The following KCNK4 variants were observed in gnomAD, a reference collection of about 807,000 sequenced individuals.
The protein encoded by KCNK4 is potassium two pore domain channel subfamily K member 4, also known as potassium channel subfamily K member 4.
KCNK4 carries 22 observed loss-of-function variants against 28.8 expected under a neutral mutation model. The ratio of observed to expected loss-of-function variants is 0.76; its 90% CI spans 0.55 to 1.09. The LOEUF is 1.09. Ranked by LOEUF, KCNK4 falls within the 50% of genes least tolerant of loss-of-function variation. KCNK4 has a pLI of 0.00. For missense variants in KCNK4, 483 were observed against 546.3 expected (o/e 0.88, Z 1.15); for synonymous variants, 263 against 252.9 (o/e 1.04, Z -0.38).
chr11:64,294,097 G>A (rs2034707360), intron 2 of KCNK4, among the ~76,000 whole-genome samples: 1 of 152,102 alleles, frequency 6.6e-6, no homozygotes. Flanking sequence ...AGGGTTCCAG[G>A]ATCCATGCCA....
chr11:64,295,742 T>C (rs577866473), intron 2 of KCNK4, among the ~76,000 whole-genome samples: 2 of 152,092 alleles, frequency 1.3e-5, no homozygotes, highest in East Asian at 3.9e-4. Context: ...CTGGGGTGTT[T>C]AGGCCTGCAA....
In KCNK4 at chr11:64,297,256, G is replaced by C; in HGVS notation, c.451G>C (p.Gly151Arg). The C allele has an allele frequency of 6.2e-7, 1 of 1,613,388 alleles. No homozygotes were observed. Among genetic ancestry groups the C allele is most frequent in the Admixed American group, 1.7e-5 (1 of 59,966 alleles). Residue 151 changes from glycine (G) to arginine (R), a missense_variant, in exon 4 of 7, where the codon GGT becomes CGT. Coordinates refer to ENST00000422670, the MANE Select transcript of KCNK4 (RefSeq NM_033310.3). The part of the protein sequence containing the change: ...RLGSSLRHGI[G>R]HIEAIFLKWH... ...GGGCTCCTCCCTGCGCCATGGCATC[G>C]GTCACATTGAAGCCATCTTCTTGGT...
Position 64,297,355 on chromosome 11 carries a change from C to A in KCNK4, c.474+76C>A, listed in dbSNP as rs368546058. 1.9e-5 allele frequency: 30 copies of A among 1,573,126 alleles called. No individual in the cohort carries two copies. In the South Asian group the frequency reaches 3.4e-4, roughly 18 times the overall value. Reference sequence around the variant, plus strand: ...TCCCCATGTCCCTGGCACATGAGCGCGCCCCCAAAGACCATAAGCCTCTCC... The same window carrying A: ...TCCCCATGTCCCTGGCACATGAGCGAGCCCCCAAAGACCATAAGCCTCTCC... On this transcript the variant is annotated intron_variant, in intron 4 of 6. Coordinates refer to ENST00000422670, the MANE Select transcript of KCNK4 (RefSeq NM_033310.3).
intron 2 of KCNK4, among the ~76,000 whole-genome samples, chr11:64,293,928 T>C (rs1462708320): frequency 6.6e-6 from 1 of 152,128 alleles, no homozygotes; most frequent in Admixed American, 6.5e-5. Flanking sequence ...TACAAGTCCA[T>C]CCCAAGCAAT....
intron 2 of KCNK4, among the ~76,000 whole-genome samples, chr11:64,294,955 T>C (rs564201773): frequency 2.0e-4 from 31 of 152,264 alleles, no homozygotes; most frequent in African/African-American, 7.2e-4. Flanking sequence ...GGAATTGCTT[T>C]TTTCCTGGAT....
At chr11:64,293,392 C>A (rs2034688953) in intron 2 of KCNK4, among the ~76,000 whole-genome samples, 185 bp downstream of exon 2, 1 of 152,054 alleles carries the variant, frequency 6.6e-6, no homozygotes. Flanking sequence ...ACTGTGGGGT[C>A]ATTTGTTTTC....
At chr11:64,294,871 G>A (rs1038431508) in intron 2 of KCNK4, among the ~76,000 whole-genome samples, 6 of 139,250 alleles carry the variant, frequency 4.3e-5, no homozygotes, top group Non-Finnish European at 7.8e-5. Context: ...TGGGAAGAAT[G>A]TATCTGGCCA....
Position 64,293,144 on chromosome 11 carries a change from C to G in KCNK4, c.126C>G (p.Val42=), listed in dbSNP as rs201624439. The G allele has an allele frequency of 6.5e-7, 1 of 1,536,768 alleles. No individual in the cohort carries two copies. Among genetic ancestry groups the G allele is most frequent in the East Asian group, 2.5e-5 (1 of 40,298 alleles). ...EQQAQRELGE[V]REKFLRAHPC... is the part of the protein sequence containing the mutation. ...AGGCCCAGAGGGAGCTGGGGGAGGT[C>G]CGAGAGAAGTTCCTGAGGGCCCATC... Residue 42 remains valine, a synonymous_variant, in exon 2 of 7, where the codon GTC becomes GTG. Transcript: ENST00000422670.
chr11:64,293,504 G>A (rs34499953), intron 2 of KCNK4, among the ~76,000 whole-genome samples: 29,473 of 151,418 alleles, frequency 0.19, 3,357 homozygotes, highest in East Asian at 0.54. Flanking sequence ...TGGCCATAGC[G>A]CATGGGCTAT....
chr11:64,291,857 G>A (rs1425740599), intron 1 of KCNK4: 5 of 212,082 alleles, frequency 2.4e-5, no homozygotes, highest in African/African-American at 9.5e-5. Flanking sequence ...GACTGGCCGG[G>A]CGGGGTGCCC....
At chr11:64,292,798 G>C (rs1396683172) in intron 1 of KCNK4, 144 bp from the exon 2 acceptor site, 1 of 849,634 alleles carries the variant, frequency 1.2e-6, no homozygotes, top group Non-Finnish European at 1.6e-6. Context: ...GATAGGAGGG[G>C]GACTGGGTGT....
chr11:64,299,361 G>A lies in KCNK4; in HGVS notation c.817G>A (p.Ala273Thr). The change falls in exon 7 of 7, where the codon GCT (alanine) becomes ACT (threonine). Residue 273 changes from alanine (A) to threonine (T), a missense_variant. Ala to Thr is a moderately conservative substitution (Grantham distance 58, BLOSUM62 0). Transcript: ENST00000422670. ...CTCCGTGCAGATGGGCGGCCTCACG[G>A]CTCAGGCTGCCAGCTGGACTGGCAC... ...RTRAEMGGLT[A>T]QAASWTGTVT... 1 of 1,565,232 alleles carries A rather than the reference G, an allele frequency of 6.4e-7. No individual in the cohort carries two copies. The highest frequency in any genetic ancestry group is 2.4e-5 in the East Asian group (1 of 41,756).
intron 5 of KCNK4, 56 bp from the exon 6 acceptor site, chr11:64,298,054 G>C: frequency 1.3e-6 from 2 of 1,586,934 alleles, no homozygotes; most frequent in Non-Finnish European, 1.7e-6. Flanking sequence ...CTGAACCAGA[G>C]CTCACAGGCT....
At chr11:64,292,042 G>A (rs2034642470) in intron 1 of KCNK4, 1 of 1,145,456 alleles carries the variant, frequency 8.7e-7, no homozygotes, top group South Asian at 1.7e-5. Context: ...GTGTGCGTGG[G>A]CTCTGGGTGC....
At position 64,299,979 on chromosome 11, in the gene KCNK4, C is replaced by T. The variant is rs2034890534; in HGVS notation, c.*253C>T. 6.1e-6 allele frequency: 4 copies of T among 652,206 alleles called. No homozygotes were observed. The allele number at this position is 652,206 out of a possible 1,614,324, so 40.4% of individuals were successfully genotyped here. ...GCACCTCACGACTGTGCCTCAAAGC[C>T]TGCATCAATAAATGAAAACGGTCTG... is the stretch of plus-strand genomic sequence containing the variant. On this transcript the variant is annotated 3_prime_UTR_variant, in exon 7 of 7. Transcript: ENST00000422670.
In KCNK4 at chr11:64,297,649, G is replaced by A; in HGVS notation, c.657G>A (p.Val219=). Residue 219 remains valine (V), a synonymous_variant, in exon 5 of 7, where the codon GTG becomes GTA. Coordinates refer to ENST00000422670, the MANE Select transcript of KCNK4 (RefSeq NM_033310.3). ...CCACCGTGGGCTTTGGCGACTATGTGGCCGGTGAGGCCGCCCTTCTTGTGC... is the reference window on the plus strand; with the variant it reads ...CCACCGTGGGCTTTGGCGACTATGTAGCCGGTGAGGCCGCCCTTCTTGTGC... ...TLTTVGFGDY[V]AGADPRQDSP... 6.2e-7 allele frequency: 1 copy of A among 1,608,328 alleles called. No homozygotes were observed. Among genetic ancestry groups the A allele is most frequent in the Non-Finnish European group, 8.5e-7 (1 of 1,175,430 alleles).
At position 64,299,680 on chromosome 11, in the gene KCNK4, G is replaced by T. The variant is rs769680927; in HGVS notation, c.1136G>T (p.Arg379Leu). 3.8e-6 allele frequency: 6 copies of T among 1,580,004 alleles called. No homozygotes were observed. The Admixed American group carries it at 9.0e-5, about 24-fold the overall frequency. Reference sequence around the variant, plus strand: ...CCAAATCCCCCCAGGAAGCCCGTGCGGCCCCGCGGCCCCGGGCGTCCCCGA... The same window carrying T: ...CCAAATCCCCCCAGGAAGCCCGTGCTGCCCCGCGGCCCCGGGCGTCCCCGA... ...RRPNPPRKPVRPRGPGRPRDK... is the reference protein window; with the variant it reads ...RRPNPPRKPVLPRGPGRPRDK... Residue 379 changes from arginine to leucine, a missense_variant, in exon 7 of 7, where the codon CGG becomes CTG. Physicochemically the swap from Arg to Leu is moderately radical, Grantham distance 102 (BLOSUM62 -2). Transcript: ENST00000422670.
At chr11:64,292,803 G>T in intron 1 of KCNK4, 139 bp from the exon 2 acceptor site, 1 of 903,132 alleles carries the variant, frequency 1.1e-6, no homozygotes, top group Non-Finnish European at 1.5e-6. Context: ...GAGGGGGACT[G>T]GGTGTGTCCA....
At chr11:64,297,316 G>A (rs775081638) in intron 4 of KCNK4, 37 bp downstream of exon 4, 3 of 1,590,792 alleles carry the variant, frequency 1.9e-6, no homozygotes, top group African/African-American at 1.3e-5. Flanking sequence ...CTTGTGCTGG[G>A]CTCCGGCTAC....
Sources: gnomAD v4.1 joint callset for allele counts (sites outside exome capture counted in the v4.1 genomes callset) on GRCh38, gnomAD v4.1.1 for gene constraint, MANE v1.5 for transcripts, NCBI Gene and HGNC (gene_info 2026-07-23, HGNC 2026-07-21) for gene names.